Variants in REV3L observed in about 807,000 individuals in gnomAD.
The protein encoded by REV3L is REV3 like, DNA directed polymerase zeta catalytic subunit.
In REV3L, 69 loss-of-function variants were observed where a neutral mutation model predicts 299.4. The ratio of observed to expected loss-of-function variants is 0.23; its 90% CI spans 0.19 to 0.28. REV3L has a LOEUF of 0.28. REV3L is among the 10% of genes least tolerant of loss of function. The pLI, the probability that REV3L is intolerant of heterozygous loss-of-function variation, is 1.00. For synonymous variants in REV3L, 1,238 were observed against 1,271.4 expected, an observed-to-expected ratio of 0.97 and a Z score of 0.56; for missense variants, 3,128 against 3,693.8, an observed-to-expected ratio of 0.85 and a Z score of 3.97.
In REV3L at chr6:111,357,068, G is replaced by A. The variant is rs772546670; in HGVS notation, c.7130C>T (p.Thr2377Ile). Residue 2377 changes from threonine to isoleucine, a missense_variant, in exon 18 of 32, where the codon ACC (threonine) becomes ATC (isoleucine). Coordinates refer to ENST00000368802, the MANE Select transcript of REV3L (RefSeq NM_001372078.1). ...IRSGITGLEV[T>I]YAADEKALFH... ...AAGTGCCTTCTCATCAGCAGCATAG[G>A]TGACTTCGAGTCCTGTAATTCCAGA... The A allele has an allele frequency of 4.4e-6, 7 of 1,602,624 alleles. No individual in the cohort carries two copies. The highest frequency in any genetic ancestry group is 1.3e-5 in the African/African-American group (1 of 74,606).
intron 12 of REV3L, 67 bp downstream of exon 12, chr6:111,377,634 G>A: frequency 6.7e-7 from 1 of 1,492,440 alleles, no homozygotes; most frequent in East Asian, 2.3e-5. Context: ...AGAGCGCCTA[G>A]CCTCAAAATC....
At position 111,377,784 on chromosome 6, in the gene REV3L, T is replaced by C. The variant is rs1562220026; in HGVS notation, c.1514A>G (p.Glu505Gly). The C allele has an allele frequency of 6.2e-7, 1 of 1,613,564 alleles. No individual in the cohort carries two copies. ...ACTGTTATCACTCCATTCCATTTCT[T>C]CTCCTGAAGATGAGTCATCATCTTC... ...STEDDDSSSG[E>G]EMEWSDNSLL... is the part of the protein sequence containing the mutation. The change falls in exon 12 of 32, where the codon GAA (glutamate) becomes GGA (glycine). Residue 505 changes from glutamate to glycine, a missense_variant. Transcript: ENST00000368802.
At chr6:111,417,029 A>C (rs1165265385) in intron 1 of REV3L, among the ~76,000 whole-genome samples, 2 of 152,022 alleles carry the variant, frequency 1.3e-5, no homozygotes, top group Non-Finnish European at 2.9e-5. Flanking sequence ...AAAAGACAAA[A>C]CCAAATCAAA....
intron 2 of REV3L, chr6:111,412,059 C>T (rs1784304445): frequency 2.0e-6 from 2 of 984,888 alleles, no homozygotes; most frequent in African/African-American, 1.7e-5. Context: ...CATTACTTTC[C>T]TTATTCAGCT....
At chr6:111,465,274 T>C (rs1791316052) in intron 1 of REV3L, among the ~76,000 whole-genome samples, 1 of 150,474 alleles carries the variant, frequency 6.6e-6, no homozygotes, top group Non-Finnish European at 1.5e-5. Flanking sequence ...AGAGACGGGG[T>C]TTTGCCATGT....
chr6:111,407,281 T>C (rs1371106014), intron 3 of REV3L, among the ~76,000 whole-genome samples: 4 of 151,768 alleles, frequency 2.6e-5, no homozygotes, highest in African/African-American at 4.8e-5. Flanking sequence ...AGCATAAAGA[T>C]AAACAAAAAC....
chr6:111,369,554 T>C (rs947591412), intron 13 of REV3L, among the ~76,000 whole-genome samples: 1 of 152,112 alleles, frequency 6.6e-6, no homozygotes, highest in African/African-American at 2.4e-5. Flanking sequence ...ACAACCTTTC[T>C]GTCCAATAAT....
intron 1 of REV3L, among the ~76,000 whole-genome samples, chr6:111,454,315 T>C (rs1433183570): frequency 6.6e-6 from 1 of 151,730 alleles, no homozygotes; most frequent in Non-Finnish European, 1.5e-5. Context: ...AACAAAACAA[T>C]GTGAGGAACT....
At position 111,310,265 on chromosome 6, in the gene REV3L, T is replaced by C. The variant is rs1019911179; in HGVS notation, c.8796-166A>G. On this transcript the variant is annotated intron_variant, in intron 29 of 31. Coordinates refer to ENST00000368802, the MANE Select transcript of REV3L (RefSeq NM_001372078.1). ...TGAGAATAATATATATACATTTTGC[T>C]TAGTTGACACCAAGTGTAGATATCC... is the stretch of plus-strand genomic sequence containing the variant. 2.3e-5 allele frequency: 18 copies of C among 794,240 alleles called. No individual in the cohort carries two copies. The African/African-American group carries it at 2.5e-4, about 11-fold the overall frequency. 49.2% of individuals were successfully genotyped at this position (794,240 alleles called of 1,614,324 possible). A position where few individuals can be genotyped will look rare whatever the true frequency, so the allele number is the denominator to read the frequency against.
chr6:111,443,919 A>T (rs994806332), intron 1 of REV3L, among the ~76,000 whole-genome samples: 1 of 152,232 alleles, frequency 6.6e-6, no homozygotes, highest in South Asian at 2.1e-4. Flanking sequence ...ATTGTTTTAT[A>T]AAAAGGAGTT....
chr6:111,362,532 A>G (rs2115004674), intron 16 of REV3L, among the ~76,000 whole-genome samples: 1 of 152,360 alleles, frequency 6.6e-6, no homozygotes, highest in African/African-American at 2.4e-5. Flanking sequence ...TGTAACTTAA[A>G]GTTTTCTAGT....
intron 1 of REV3L, among the ~76,000 whole-genome samples, chr6:111,423,806 A>T (rs1392448541): frequency 6.6e-6 from 1 of 152,184 alleles, no homozygotes; most frequent in Non-Finnish European, 1.5e-5. Flanking sequence ...ATAAGGCAGA[A>T]GGAATCAAAG....
At chr6:111,381,265 C>T (rs1436266248) in intron 10 of REV3L, 60 bp downstream of exon 10, 4 of 1,574,938 alleles carry the variant, frequency 2.5e-6, no homozygotes, top group African/African-American at 1.4e-5. Context: ...AATGCCTCTT[C>T]ACAACACACA....
In REV3L at chr6:111,357,132, A is replaced by T. The variant is rs925538839; in HGVS notation, c.7073-7T>A. On this transcript the variant is annotated splice_polypyrimidine_tract_variant and splice_region_variant and intron_variant, in intron 17 of 31. Transcript: ENST00000368802. The stretch of plus-strand genomic sequence containing the variant: ...GGAGTCTGATATCTGATATCTAAAA[A>T]ACAAACAAAATGTCTATTATATATA... The T allele has an allele frequency of 7.5e-7, 1 of 1,331,902 alleles. No homozygotes were observed. The highest frequency in any genetic ancestry group is 1.5e-5 in the African/African-American group (1 of 68,178). The allele number at this position is 1,331,902 out of a possible 1,614,324, so 82.5% of individuals were successfully genotyped here.
chr6:111,448,780 T>C (rs1478791760), intron 1 of REV3L, among the ~76,000 whole-genome samples: 3 of 137,328 alleles, frequency 2.2e-5, no homozygotes, highest in African/African-American at 5.0e-5. Flanking sequence ...ACCACCACAC[T>C]TGGCTATTTT....
chr6:111,348,780 G>A (rs1419501166), intron 20 of REV3L, among the ~76,000 whole-genome samples: 4 of 152,180 alleles, frequency 2.6e-5, no homozygotes, highest in Non-Finnish European at 5.9e-5. Flanking sequence ...CTCCCAAGTA[G>A]CTGGGACCAC....
intron 25 of REV3L, among the ~76,000 whole-genome samples, chr6:111,325,502 A>G (rs1582520692): frequency 6.6e-6 from 1 of 152,320 alleles, no homozygotes; most frequent in Middle Eastern, 3.4e-3. Flanking sequence ...TTTATTCTCC[A>G]TATTCTCCTT....
At chr6:111,306,246 T>G (rs1380470732) in intron 31 of REV3L, among the ~76,000 whole-genome samples, 1 of 148,954 alleles carries the variant, frequency 6.7e-6, no homozygotes, top group African/African-American at 2.5e-5. Context: ...AGATGGGGGG[T>G]GGGGTGGGAT....
chr6:111,308,877 GA>G (rs1350787630), intron 30 of REV3L, among the ~76,000 whole-genome samples: 1 of 152,218 alleles, frequency 6.6e-6, no homozygotes, highest in African/African-American at 2.4e-5. Context: ...AGGAAACCAG[GA>G]GAGCATGGCA....
Sources: gnomAD v4.1 joint callset for allele counts (sites outside exome capture counted in the v4.1 genomes callset) on GRCh38, gnomAD v4.1.1 for gene constraint, MANE v1.5 for transcripts, NCBI Gene and HGNC (gene_info 2026-07-23, HGNC 2026-07-21) for gene names.